The following SLC12A3 variants were observed in gnomAD, a reference collection of about 807,000 sequenced individuals.
SLC12A3 encodes the protein Na-Cl cotransporter.
SLC12A3 carries 104 observed loss-of-function variants against 121.0 expected under a neutral mutation model. The observed-to-expected ratio is 0.86, with a 90% confidence interval of 0.73 to 1.01. The LOEUF (loss-of-function observed/expected upper bound fraction) is 1.01. Ranked by LOEUF, SLC12A3 falls within the 50% of genes least tolerant of loss-of-function variation. SLC12A3 has a pLI of 0.00. For missense variants in SLC12A3, 1,328 were observed against 1,356.3 expected (o/e 0.98, Z 0.33); for synonymous variants, 536 against 533.4 (o/e 1.00, Z -0.07).
At chr16:56,911,249 T>C (rs2055680128) in intron 25 of SLC12A3, among the ~76,000 whole-genome samples, 1 of 152,250 alleles carries the variant, frequency 6.6e-6, no homozygotes, top group Non-Finnish European at 1.5e-5. Flanking sequence ...TGAACTCAGA[T>C]GACTATAGCT....
intron 18 of SLC12A3, 101 bp from the exon 19 acceptor site, chr16:56,890,173 A>C (rs759595827): frequency 3.7e-5 from 32 of 856,172 alleles, no homozygotes; most frequent in South Asian, 5.3e-5. Flanking sequence ...AGGGCGTGGT[A>C]GGAAGCAGAG....
chr16:56,872,924 C>G, intron 8 of SLC12A3, 138 bp downstream of exon 8: 3 of 1,118,464 alleles, frequency 2.7e-6, no homozygotes. Context: ...CAACTCAGCT[C>G]AGTTCAACCC....
In SLC12A3 at chr16:56,886,257, T is replaced by C. The variant is rs1045373834; in HGVS notation, c.1926-107T>C. Reference sequence around the variant, plus strand: ...CCGAGGCCCCAAGCATGTAGGGTCATGCTGGTGGCCACACCACCATTCAGG... The same window carrying C: ...CCGAGGCCCCAAGCATGTAGGGTCACGCTGGTGGCCACACCACCATTCAGG... On this transcript the variant is annotated intron_variant, in intron 15 of 25. Coordinates refer to ENST00000563236, the MANE Select transcript of SLC12A3 (RefSeq NM_001126108.2). The C allele has an allele frequency of 5.3e-5, 41 of 771,308 alleles. No individual in the cohort carries two copies. The Middle Eastern group carries it at 7.4e-4, about 14-fold the overall frequency. The allele number at this position is 771,308 out of a possible 1,614,324, so 47.8% of individuals were successfully genotyped here. A position where few individuals can be genotyped will look rare whatever the true frequency, so the allele number is the denominator to read the frequency against.
intron 21 of SLC12A3, 92 bp downstream of exon 21, chr16:56,893,146 G>C: frequency 9.5e-7 from 1 of 1,051,664 alleles, no homozygotes. Context: ...GCTCTCAAAG[G>C]GGACAGGGGC....
In SLC12A3 at chr16:56,880,182, A is replaced by G. The variant is rs1596909706; in HGVS notation, c.1496A>G (p.Tyr499Cys). Reference protein sequence around the residue: ...YPLIGFFGKGYGKNKEPVRGY... With the variant: ...YPLIGFFGKGCGKNKEPVRGY... Reference sequence around the variant, plus strand: ...CTGATCGGCTTCTTCGGCAAAGGCTATGGCAAGAACAAGGAGCCCGTGCGT... The same window carrying G: ...CTGATCGGCTTCTTCGGCAAAGGCTGTGGCAAGAACAAGGAGCCCGTGCGT... Residue 499 changes from tyrosine (Y) to cysteine (C), a missense_variant, in exon 12 of 26, where the codon TAT (tyrosine) becomes TGT (cysteine). Physicochemically the swap from Tyr to Cys is radical, Grantham distance 194. Transcript: ENST00000563236. The G allele has an allele frequency of 6.2e-7, 1 of 1,603,892 alleles. No homozygotes were observed. The highest frequency in any genetic ancestry group is 8.5e-7 in the Non-Finnish European group (1 of 1,176,232).
chr16:56,887,788 ATATATATATATTTTTT>A, intron 17 of SLC12A3, 121 bp from the exon 18 acceptor site: 2 of 103,924 alleles, frequency 1.9e-5, no homozygotes, highest in East Asian at 2.3e-4. Flanking sequence ...ATATATATAT[ATATATATATATTTTTT>A]TTTTTTTTTT....
rs201555148 is a variant in SLC12A3, at chr16:56,869,728, G to A, written c.506-1G>A. 149 of 1,613,898 alleles carry A rather than the reference G, an allele frequency of 9.2e-5. No homozygotes were observed. Among genetic ancestry groups the A allele is most frequent in the Non-Finnish European group, 1.2e-4 (136 of 1,179,940 alleles). On this transcript the variant is annotated splice_acceptor_variant, in intron 3 of 25. Coordinates refer to ENST00000563236, the MANE Select transcript of SLC12A3 (RefSeq NM_001126108.2). LOFTEE classifies it high-confidence loss of function. ...GCCTAAGCTTTGGGTGCCCCCTGCA[G>A]TCCTGACCTGGATCATCATCCTGCT...
intron 24 of SLC12A3, 23 bp downstream of exon 24, chr16:56,902,531 G>GC: frequency 9.8e-6 from 7 of 714,544 alleles, no homozygotes; most frequent in Non-Finnish European, 1.7e-5. Context: ...GTGGGGGTGG[G>GC]AAACGCGACA....
chr16:56,881,009 A>G (rs1230924712), intron 12 of SLC12A3, among the ~76,000 whole-genome samples: 1 of 152,224 alleles, frequency 6.6e-6, no homozygotes, highest in East Asian at 1.9e-4. Context: ...GCACATGCCC[A>G]ATACTTGCCT....
chr16:56,889,683 C>T (rs1322496649), intron 18 of SLC12A3, among the ~76,000 whole-genome samples: 1 of 152,150 alleles, frequency 6.6e-6, no homozygotes, highest in African/African-American at 2.4e-5. Context: ...CCATGTTGGC[C>T]AGGCTGGTCT....
chr16:56,899,966 G>C (rs1402569382), intron 23 of SLC12A3, among the ~76,000 whole-genome samples: 1 of 152,248 alleles, frequency 6.6e-6, no homozygotes, highest in African/African-American at 2.4e-5. Flanking sequence ...ATTTGTAGCA[G>C]TGACCAATGG....
At chr16:56,882,262 A>G in intron 12 of SLC12A3, 134 bp from the exon 13 acceptor site, 2 of 750,986 alleles carry the variant, frequency 2.7e-6, no homozygotes, top group Middle Eastern at 2.3e-4. Context: ...GACCCATTTC[A>G]CAGATGAGAA....
At chr16:56,912,100 G>C (rs2055693895) in intron 25 of SLC12A3, among the ~76,000 whole-genome samples, 1 of 152,252 alleles carries the variant, frequency 6.6e-6, no homozygotes, top group East Asian at 1.9e-4. Context: ...ACCTGTGAAG[G>C]AGCGCGGTGC....
rs529272161 is a variant in SLC12A3, at chr16:56,898,245, T to A, written c.2634-1285T>A. Among the ~76,000 whole-genome samples, 7 of 147,670 alleles carry A rather than the reference T, an allele frequency of 4.7e-5. No homozygotes were observed. In the South Asian group the frequency reaches 1.5e-3, roughly 31 times the overall value. On this transcript the variant is annotated intron_variant, in intron 22 of 25. Transcript: ENST00000563236. ...CCAGGCAGGTGTATTTTTTTGTTAG[T>A]TTGATTTGGTTTTGTTTTGTTTTGT...
chr16:56,868,169 G>A, intron 2 of SLC12A3, 128 bp from the exon 3 acceptor site: 3 of 830,444 alleles, frequency 3.6e-6, no homozygotes, highest in Non-Finnish European at 6.0e-6. Flanking sequence ...TACTGAAGTG[G>A]GTGAAGAAGG....
chr16:56,887,103 A>T lies in SLC12A3; in HGVS notation c.2178+10A>T. ...CCAGATCCTCATGCAGGTGCCATGG[A>T]CTGGGGGCTCCCCTACAGGACTTAC... On this transcript the variant is annotated intron_variant, in intron 17 of 25. Coordinates refer to ENST00000563236, the MANE Select transcript of SLC12A3 (RefSeq NM_001126108.2). 6.2e-7 allele frequency: 1 copy of T among 1,613,834 alleles called. No individual in the cohort carries two copies. The highest frequency in any genetic ancestry group is 8.5e-7 in the Non-Finnish European group (1 of 1,180,026).
chr16:56,905,611 A>G (rs2055598366), intron 25 of SLC12A3, among the ~76,000 whole-genome samples: 1 of 152,060 alleles, frequency 6.6e-6, no homozygotes, highest in Admixed American at 6.5e-5. Context: ...CAGAGCCTGA[A>G]GCCAGGACCA....
At chr16:56,904,530 G>T in intron 25 of SLC12A3, 68 bp downstream of exon 25, 1 of 1,467,552 alleles carries the variant, frequency 6.8e-7, no homozygotes, top group Non-Finnish European at 9.5e-7. Context: ...CTGGGAAGGG[G>T]CTCAGCAGGG....
chr16:56,873,711 T>TA (rs1230229682), intron 8 of SLC12A3, among the ~76,000 whole-genome samples: 3 of 147,636 alleles, frequency 2.0e-5, no homozygotes, highest in African/African-American at 7.5e-5. Flanking sequence ...TTATTTTATT[T>TA]TTTTTTTTTT....
Sources: allele counts gnomAD v4.1 joint callset (sites outside exome capture counted in the v4.1 genomes callset), GRCh38; gene constraint gnomAD v4.1.1; transcripts MANE v1.5; gene names NCBI Gene and HGNC (gene_info 2026-07-23, HGNC 2026-07-21).